The following DNAH17 variants were observed in gnomAD, a reference collection of about 807,000 sequenced individuals.
DNAH17 encodes the protein axonemal beta dynein heavy chain 17.
In DNAH17, 376 loss-of-function variants were observed where a neutral mutation model predicts 485.6. The observed-to-expected ratio is 0.77, with a 90% CI of 0.71 to 0.84. The LOEUF is 0.84. Ranked by LOEUF, DNAH17 falls within the 40% of genes least tolerant of loss-of-function variation. The probability of loss-of-function intolerance (pLI) is 0.00; values close to 1 mark genes in which losing one functional copy is unlikely to be tolerated. For synonymous variants in DNAH17, 3,031 were observed against 2,405.9 expected, an observed-to-expected ratio of 1.26 and a Z score of -7.60; for missense variants, 6,370 against 5,839.3, an observed-to-expected ratio of 1.09 and a Z score of -2.96.
At chr17:78,432,582 C>T (rs1305277108) in intron 75 of DNAH17, among the ~76,000 whole-genome samples, 1 of 152,208 alleles carries the variant, frequency 6.6e-6, no homozygotes, top group Non-Finnish European at 1.5e-5. Flanking sequence ...GGTCGTTGTC[C>T]TCCAGTCTTG....
In DNAH17 at chr17:78,572,736, C is replaced by G; in HGVS notation, c.504G>C (p.Leu168=). Residue 168 remains leucine (L), a synonymous_variant, in exon 3 of 81, where the codon CTG becomes CTC. Transcript: ENST00000389840. ...GKTLLPIPEH[L]GSLDGTLESM... ...ACTCCAGCGTGCCATCCAGGCTGCC[C>G]AGGTGCTCCGGAATAGGCAGCAAGG... 6.2e-7 allele frequency: 1 copy of G among 1,611,722 alleles called. No homozygotes were observed. Among genetic ancestry groups the G allele is most frequent in the Non-Finnish European group, 8.5e-7 (1 of 1,179,070 alleles).
intron 56 of DNAH17, among the ~76,000 whole-genome samples, chr17:78,466,182 G>A (rs1238030764): frequency 1.3e-5 from 2 of 152,216 alleles, no homozygotes; most frequent in African/African-American, 2.4e-5. Context: ...AGGGTTGAAT[G>A]GATTAAGGGC....
chr17:78,571,159 G>A (rs528293739), intron 5 of DNAH17, 120 bp downstream of exon 5: 3 of 1,261,940 alleles, frequency 2.4e-6, no homozygotes, highest in African/African-American at 3.0e-5. Context: ...AGTGGAGGGG[G>A]CTGAGAAAGC....
chr17:78,475,072 C>T (rs558574694), intron 54 of DNAH17, among the ~76,000 whole-genome samples: 1 of 152,160 alleles, frequency 6.6e-6, no homozygotes, highest in East Asian at 1.9e-4. Context: ...AGGTTTCACA[C>T]TCTTCACCTC....
chr17:78,433,725 G>A lies in DNAH17; in HGVS notation c.12225+304C>T, dbSNP rs6501213. 7.8e-3 allele frequency among the ~76,000 whole-genome samples: 1,194 copies of A among 152,162 alleles called. 16 individuals are homozygous for A. Among genetic ancestry groups the A allele is most frequent in the African/African-American group, 0.027 (1,125 of 41,512 alleles). On this transcript the variant is annotated intron_variant, in intron 75 of 80. Coordinates refer to ENST00000389840, the MANE Select transcript of DNAH17 (RefSeq NM_173628.4). ...TCATCCAGGTGCAAGAGGGGCAGGTGGCGTGGAGTGTGCTAACAAGCAGAA... is the reference window on the plus strand; with the variant it reads ...TCATCCAGGTGCAAGAGGGGCAGGTAGCGTGGAGTGTGCTAACAAGCAGAA...
At chr17:78,524,984 C>T (rs2143235884) in intron 25 of DNAH17, 25 bp downstream of exon 25, 5 of 1,588,208 alleles carry the variant, frequency 3.1e-6, no homozygotes, top group Middle Eastern at 1.7e-4. Context: ...CCGGGCCCCA[C>T]CCACGCGGCG....
intron 62 of DNAH17, 78 bp from the exon 63 acceptor site, chr17:78,455,914 CTCTGTGAATCT>C: frequency 8.2e-7 from 1 of 1,213,950 alleles, no homozygotes; most frequent in Non-Finnish European, 1.1e-6. Context: ...ACCTCTGCAC[CTCTGTGAATCT>C]TCAGAGTTTC....
At chr17:78,452,986 G>A (rs34819081) in intron 65 of DNAH17, among the ~76,000 whole-genome samples, 86,761 of 150,276 alleles carry the variant, frequency 0.58, 25,865 homozygotes, top group East Asian at 0.71. Context: ...ATGCTCAATT[G>A]TGTATTTTAA....
chr17:78,502,100 C>G (rs1434483776), intron 33 of DNAH17: 1 of 571,266 alleles, frequency 1.8e-6, no homozygotes, highest in Non-Finnish European at 3.1e-6. Context: ...GAAGGAAATT[C>G]AAGGCCACGA....
rs754442939 is a variant in DNAH17 at position 78,501,751 on chromosome 17, G to C, written c.5313C>G (p.Ile1771Met). 11 of 1,613,110 alleles carry C rather than the reference G, an allele frequency of 6.8e-6. No homozygotes were observed. The South Asian group carries it at 9.9e-5, about 14-fold the overall frequency. Residue 1771 changes from isoleucine (I) to methionine (M), a missense_variant, in exon 34 of 81, where the codon ATC becomes ATG. Coordinates refer to ENST00000389840, the MANE Select transcript of DNAH17 (RefSeq NM_173628.4). ...VHARDVVAKM[I>M]VAKVESSQAF... ...ACAGGGGCGCTCATGCCTTGGCCAC[G>C]ATCATTTTGGCCACCACGTCCCGTG...
intron 51 of DNAH17, among the ~76,000 whole-genome samples, chr17:78,477,996 C>CCAT (rs2089129501): frequency 1.5e-5 from 2 of 131,918 alleles, no homozygotes; most frequent in African/African-American, 7.2e-5. Flanking sequence ...ACCATCACCA[C>CCAT]CACCATCATC....
chr17:78,546,710 T>C (rs1243772813), intron 16 of DNAH17, among the ~76,000 whole-genome samples: 1 of 152,162 alleles, frequency 6.6e-6, no homozygotes, highest in Non-Finnish European at 1.5e-5. Context: ...ATTTGAGACC[T>C]GCCTGAACAA....
rs766370349 is a variant in DNAH17, at chr17:78,530,395, G to A, written c.3232C>T (p.Arg1078Trp). The change falls in exon 21 of 81, where the codon CGG becomes TGG. Residue 1078 changes from arginine to tryptophan, a missense_variant. Transcript: ENST00000389840. The part of the protein sequence containing the change: ...PFKQALLSTI[R>W]RWGFMFKRHL... ...CGCTTGAACATGAAGCCCCAGCGCC[G>A]GATTGTGCTGAGCAGGGCCTGCTTG... 5.0e-6 allele frequency: 8 copies of A among 1,613,354 alleles called. No homozygotes were observed. The highest frequency in any genetic ancestry group is 6.8e-6 in the Non-Finnish European group (8 of 1,179,654).
rs113940612 is a variant in DNAH17, at chr17:78,462,834, C to T, written c.9174+10G>A. 2 of 1,613,592 alleles carry T rather than the reference C, an allele frequency of 1.2e-6. No individual in the cohort carries two copies. Among genetic ancestry groups the T allele is most frequent in the Middle Eastern group, 1.6e-4 (1 of 6,062 alleles). ...GGCACAGGAGCTGGCAGCCAGCCCC[C>T]CTCTCCTACCTGGGAAGCCGTGCTC... On this transcript the variant is annotated intron_variant, in intron 57 of 80. Transcript: ENST00000389840.
At position 78,459,221 on chromosome 17, in the gene DNAH17, C is replaced by T. The variant is rs769065169; in HGVS notation, c.9654-13G>A. ...GCCTTGGTAGGGCCTAGCGAGGGAA[C>T]CAGAGGGCCGGAGTCGTCACCCTGT... is the stretch of plus-strand genomic sequence containing the variant. On this transcript the variant is annotated splice_polypyrimidine_tract_variant and intron_variant, in intron 60 of 80. Coordinates refer to ENST00000389840, the MANE Select transcript of DNAH17 (RefSeq NM_173628.4). The T allele has an allele frequency of 6.2e-7, 1 of 1,613,014 alleles. No homozygotes were observed. Among genetic ancestry groups the T allele is most frequent in the Non-Finnish European group, 8.5e-7 (1 of 1,179,474 alleles).
At chr17:78,440,143 C>G (rs928995902) in intron 72 of DNAH17, among the ~76,000 whole-genome samples, 3 of 151,544 alleles carry the variant, frequency 2.0e-5, no homozygotes, top group Non-Finnish European at 4.4e-5. Context: ...CTGTGTTGAC[C>G]AGGCTGATCT....
At chr17:78,479,308 A>AC (rs1598535237) in intron 50 of DNAH17, among the ~76,000 whole-genome samples, 177 bp downstream of exon 50, 2 of 152,184 alleles carry the variant, frequency 1.3e-5, no homozygotes. Flanking sequence ...CCTAGCCCCT[A>AC]CCTCCCCATG....
At chr17:78,533,576 T>A (rs1436223693) in intron 19 of DNAH17, among the ~76,000 whole-genome samples, 1 of 152,048 alleles carries the variant, frequency 6.6e-6, no homozygotes. Context: ...CAACCCAAAC[T>A]GGTTAAGCAA....
intron 63 of DNAH17, 131 bp downstream of exon 63, chr17:78,455,513 G>A: frequency 1.5e-6 from 1 of 646,772 alleles, no homozygotes; most frequent in Non-Finnish European, 2.4e-6. Context: ...ATTTAATAGA[G>A]ATGGGGTTTC....
Sources: gnomAD v4.1 joint callset for allele counts (sites outside exome capture counted in the v4.1 genomes callset) on GRCh38, gnomAD v4.1.1 for gene constraint, MANE v1.5 for transcripts, NCBI Gene and HGNC (gene_info 2026-07-23, HGNC 2026-07-21) for gene names.